Variants in CEP135 observed in about 807,000 individuals in gnomAD.
The protein encoded by CEP135 is centrosomal protein 135.
In CEP135, 142 loss-of-function variants were observed where a neutral mutation model predicts 157.3. That is an observed-to-expected ratio of 0.90 (90% confidence interval 0.79 to 1.04). The LOEUF (loss-of-function observed/expected upper bound fraction) is 1.04. Ranked by LOEUF, CEP135 falls within the 50% of genes least tolerant of loss-of-function variation. The pLI is 0.00. For synonymous variants in CEP135, 396 were observed against 439.8 expected, an observed-to-expected ratio of 0.90 and a Z score of 1.25; for missense variants, 1,317 against 1,309.2, an observed-to-expected ratio of 1.01 and a Z score of -0.09.
In CEP135 at chr4:56,032,964, G is replaced by A. The variant is rs1170873128; in HGVS notation, c.*1616G>A. The A allele has an allele frequency of 6.6e-6, 1 of 151,762 alleles. No individual in the cohort carries two copies. The highest frequency in any genetic ancestry group is 1.9e-4 in the East Asian group (1 of 5,178). 9.4% of individuals were successfully genotyped at this position (151,762 alleles called of 1,614,324 possible). ...TTTAGTGTGTATTAGGATGTGGGCTGGTTTGCTTTTCTACCACCTTTGTAA... is the reference window on the plus strand; with the variant it reads ...TTTAGTGTGTATTAGGATGTGGGCTAGTTTGCTTTTCTACCACCTTTGTAA... On this transcript the variant is annotated 3_prime_UTR_variant, in exon 26 of 26. Transcript: ENST00000257287.
At chr4:55,950,847 A>G (rs889959688) in intron 1 of CEP135, among the ~76,000 whole-genome samples, 1 of 152,184 alleles carries the variant, frequency 6.6e-6, no homozygotes, top group Admixed American at 6.5e-5. Context: ...AAATGTATAC[A>G]CTTGTGTAAC....
intron 4 of CEP135, 62 bp downstream of exon 4, chr4:55,954,445 A>C: frequency 7.2e-7 from 1 of 1,380,590 alleles, no homozygotes; most frequent in Non-Finnish European, 9.7e-7. Context: ...TATTAACACC[A>C]TTGACTAAAA....
At chr4:56,013,455 T>C (rs1304612222) in intron 21 of CEP135, among the ~76,000 whole-genome samples, 1 of 152,194 alleles carries the variant, frequency 6.6e-6, no homozygotes, top group Non-Finnish European at 1.5e-5. Flanking sequence ...AACTGCAATG[T>C]CATAAAGCTT....
chr4:56,014,155 T>A (rs1285855997), intron 21 of CEP135, among the ~76,000 whole-genome samples: 4 of 152,366 alleles, frequency 2.6e-5, no homozygotes, highest in East Asian at 1.9e-4. Context: ...GAATAATTTC[T>A]ATTTTTTTAG....
At chr4:55,980,342 T>G in intron 12 of CEP135, 47 bp downstream of exon 12, 1 of 1,228,838 alleles carries the variant, frequency 8.1e-7, no homozygotes, top group East Asian at 2.4e-5. Flanking sequence ...TAGAACCAGT[T>G]AACTATAATG....
intron 15 of CEP135, among the ~76,000 whole-genome samples, chr4:55,993,497 C>T (rs1302675179): frequency 6.6e-6 from 1 of 152,202 alleles, no homozygotes; most frequent in African/African-American, 2.4e-5. Flanking sequence ...GGTTAGACCT[C>T]AGGAAGAACT....
Position 55,971,380 on chromosome 4 carries a change from C to CA in CEP135, c.1227dup (p.Val410SerfsTer2). 1 of 1,596,776 alleles carries CA rather than the reference C, an allele frequency of 6.3e-7. No homozygotes were observed. The highest frequency in any genetic ancestry group is 8.5e-7 in the Non-Finnish European group (1 of 1,174,160). The stretch of plus-strand genomic sequence containing the variant: ...TTGAACAAGAAAAGCAAAGACTTAG[C>CA]AAAAAAGTTGAAAGTTTTGCAGTTA... On this transcript the variant is annotated frameshift_variant, in exon 10 of 26. Transcript: ENST00000257287. LOFTEE classifies it high-confidence loss of function.
intron 13 of CEP135, among the ~76,000 whole-genome samples, chr4:55,983,290 A>T (rs1425144409): frequency 6.6e-6 from 1 of 152,230 alleles, no homozygotes; most frequent in East Asian, 1.9e-4. Flanking sequence ...AGTACTGAAA[A>T]CTTGGAAAAA....
At chr4:55,998,367 G>A (rs1047870983) in intron 15 of CEP135, among the ~76,000 whole-genome samples, 2 of 152,220 alleles carry the variant, frequency 1.3e-5, no homozygotes, top group South Asian at 2.1e-4. Context: ...TTCCAGGAAC[G>A]TTACTTCTGA....
chr4:55,998,195 C>G (rs905761613), intron 15 of CEP135, among the ~76,000 whole-genome samples: 1 of 152,154 alleles, frequency 6.6e-6, no homozygotes, highest in African/African-American at 2.4e-5. Flanking sequence ...ATGTCTTATT[C>G]CTCAAAAGGA....
intron 17 of CEP135, among the ~76,000 whole-genome samples, chr4:56,006,669 T>A (rs533608671): frequency 1.9e-4 from 29 of 152,222 alleles, no homozygotes; most frequent in Non-Finnish European, 3.7e-4. Context: ...TTTTCTGTGT[T>A]ATCTTGGAGA....
At position 55,983,894 on chromosome 4, in the gene CEP135, A is replaced by G. The variant is rs563489780; in HGVS notation, c.1780-1387A>G. ...TACAGTGAGTTTAAATAACTTGCCC[A>G]AGGTCATCCAGCTATGAGTTACAAG... On this transcript the variant is annotated intron_variant, in intron 13 of 25. Transcript: ENST00000257287. 2.0e-4 allele frequency among the ~76,000 whole-genome samples: 30 copies of G among 152,256 alleles called. No individual in the cohort carries two copies. The East Asian group carries it at 5.6e-3, about 28-fold the overall frequency.
At chr4:56,009,964 A>G (rs1460427936) in intron 19 of CEP135, 61 bp downstream of exon 19, 5 of 1,470,856 alleles carry the variant, frequency 3.4e-6, no homozygotes, top group Non-Finnish European at 2.8e-6. Flanking sequence ...CTAAATATTA[A>G]AGCTCTAAAT....
intron 15 of CEP135, among the ~76,000 whole-genome samples, chr4:55,995,538 C>A (rs1729942416): frequency 6.6e-6 from 1 of 152,112 alleles, no homozygotes; most frequent in Non-Finnish European, 1.5e-5. Flanking sequence ...GCCCTTGTAG[C>A]TTGAAAGTAG....
chr4:55,950,334 A>G (rs1728325276), intron 1 of CEP135, among the ~76,000 whole-genome samples: 1 of 152,226 alleles, frequency 6.6e-6, no homozygotes, highest in Non-Finnish European at 1.5e-5. Context: ...GGTAGCTGTG[A>G]GGATCGACTT....
At chr4:55,975,705 CT>C (rs1489498662) in intron 11 of CEP135, among the ~76,000 whole-genome samples, 1 of 151,922 alleles carries the variant, frequency 6.6e-6, no homozygotes, top group Non-Finnish European at 1.5e-5. Context: ...GTCTTGAAGG[CT>C]TATGTGACAT....
At chr4:56,004,061 T>C (rs936648495) in intron 17 of CEP135, among the ~76,000 whole-genome samples, 11 of 152,206 alleles carry the variant, frequency 7.2e-5, no homozygotes, top group African/African-American at 2.4e-4. Flanking sequence ...TAAACTTCCC[T>C]CTTAGCACTG....
rs773511473 is a variant in CEP135, at chr4:55,999,584, A to G, written c.2219A>G (p.Gln740Arg). The G allele has an allele frequency of 3.1e-6, 5 of 1,610,084 alleles. No individual in the cohort carries two copies. Among genetic ancestry groups the G allele is most frequent in the Non-Finnish European group, 4.2e-6 (5 of 1,179,284 alleles). Residue 740 changes from glutamine (Q) to arginine (R), a missense_variant, in exon 17 of 26, where the codon CAG (glutamine) becomes CGG (arginine). Transcript: ENST00000257287. ...GVIDKEKDFL[Q>R]ETVDEKTEKI... ...ATTGATAAAGAAAAAGACTTTCTCC[A>G]GGAGACTGTAGATGAGAAGACAGAA...
At chr4:55,984,589 T>C (rs1729513985) in intron 13 of CEP135, among the ~76,000 whole-genome samples, 1 of 152,192 alleles carries the variant, frequency 6.6e-6, no homozygotes, top group African/African-American at 2.4e-5. Flanking sequence ...TCAATACTAG[T>C]TGAGCAATTA....
Sources: allele counts gnomAD v4.1 joint callset (sites outside exome capture counted in the v4.1 genomes callset), GRCh38; gene constraint gnomAD v4.1.1; transcripts MANE v1.5; gene names NCBI Gene and HGNC (gene_info 2026-07-23, HGNC 2026-07-21).